SLC22A23: variants seen among roughly 807,000 people sequenced by gnomAD.
The protein encoded by SLC22A23 is solute carrier family 22 member 23.
In SLC22A23, 26 loss-of-function variants were observed where a neutral mutation model predicts 61.0. The ratio of observed to expected loss-of-function variants is 0.43; its 90% CI spans 0.31 to 0.59. SLC22A23 has a LOEUF of 0.59. Ranked by LOEUF, SLC22A23 falls within the 20% of genes least tolerant of loss-of-function variation. The pLI is 0.11. For missense variants in SLC22A23, 796 were observed against 934.7 expected, an observed-to-expected ratio of 0.85 and a Z score of 1.94; for synonymous variants, 430 against 413.9, an observed-to-expected ratio of 1.04 and a Z score of -0.47.
Position 3,415,308 on chromosome 6 carries a change from G to A in SLC22A23, c.758+444C>T, listed in dbSNP as rs190348081. Among the ~76,000 whole-genome samples the A allele has an allele frequency of 9.2e-5, 14 of 152,222 alleles. No homozygotes were observed. The East Asian group carries it at 2.1e-3, about 23-fold the overall frequency. ...AGGACTGCCCCTCTCCAAAATCCAC[G>A]TGACATGTAGAGGAGCTAATCAGCA... is the stretch of plus-strand genomic sequence containing the variant. On this transcript the variant is annotated intron_variant, in intron 2 of 9. Transcript: ENST00000406686.
intron 1 of SLC22A23, among the ~76,000 whole-genome samples, chr6:3,452,971 A>G (rs1277820119): frequency 1.3e-5 from 2 of 152,198 alleles, no homozygotes; most frequent in African/African-American, 2.4e-5. Context: ...GTTGGTGATC[A>G]TGGTCTGGAA....
chr6:3,431,547 C>T (rs893369392), intron 1 of SLC22A23, among the ~76,000 whole-genome samples: 1 of 152,182 alleles, frequency 6.6e-6, no homozygotes, highest in Non-Finnish European at 1.5e-5. Flanking sequence ...AGAGTAGGGT[C>T]AATCCTATCA....
intron 5 of SLC22A23, 118 bp from the exon 6 acceptor site, chr6:3,289,984 T>G: frequency 3.7e-6 from 1 of 271,908 alleles, no homozygotes; most frequent in Non-Finnish European, 5.8e-6. Context: ...AGAGAAGCTT[T>G]TTTTTTTTTT....
chr6:3,370,774 T>C (rs1484136922), intron 3 of SLC22A23, among the ~76,000 whole-genome samples: 2 of 152,216 alleles, frequency 1.3e-5, no homozygotes, highest in African/African-American at 2.4e-5. Context: ...TTAAAACCAA[T>C]AGGACTTTCA....
chr6:3,356,113 A>AAGGGGGAGGT, intron 3 of SLC22A23, among the ~76,000 whole-genome samples: 1 of 6,000 alleles, frequency 1.7e-4, no homozygotes, highest in African/African-American at 8.0e-4. Flanking sequence ...GGGTGGGTGG[A>AAGGGGGAGGT]GGCGGGAGGG....
At chr6:3,284,074 C>T (rs1759739375) in intron 8 of SLC22A23, 99 bp from the exon 9 acceptor site, 1 of 1,286,378 alleles carries the variant, frequency 7.8e-7, no homozygotes, top group Non-Finnish European at 1.1e-6. Flanking sequence ...TTCCCAGTGT[C>T]CAGCTTGCGG....
chr6:3,271,617 G>A lies in SLC22A23; in HGVS notation c.*1438C>T, dbSNP rs1404691317. On this transcript the variant is annotated 3_prime_UTR_variant, in exon 10 of 10. Coordinates refer to ENST00000406686, the MANE Select transcript of SLC22A23 (RefSeq NM_015482.2). The stretch of plus-strand genomic sequence containing the variant: ...AAAGACATGCTTCGAGAAGGGATGA[G>A]TTGGACAATGCCAGTAAGAAGCCAG... 6.6e-6 allele frequency: 1 copy of A among 152,386 alleles called. No homozygotes were observed. Among genetic ancestry groups the A allele is most frequent in the Non-Finnish European group, 1.5e-5 (1 of 68,060 alleles). The allele number at this position is 152,386 out of a possible 1,614,324, so 9.4% of individuals were successfully genotyped here.
chr6:3,369,696 A>AAG (rs1238329313), intron 3 of SLC22A23, among the ~76,000 whole-genome samples: 1 of 151,966 alleles, frequency 6.6e-6, no homozygotes, highest in Admixed American at 6.6e-5. Flanking sequence ...ATCTCAAAAA[A>AAG]AAAAAAAGTA....
chr6:3,282,490 A>G (rs186718210), intron 9 of SLC22A23, among the ~76,000 whole-genome samples: 1 of 152,258 alleles, frequency 6.6e-6, no homozygotes, highest in Admixed American at 6.5e-5. Flanking sequence ...GCTACTGGAA[A>G]TGTGGAAAGT....
Position 3,286,337 on chromosome 6 carries a change from T to C in SLC22A23, c.1546+522A>G, listed in dbSNP as rs1430536571. Among the ~76,000 whole-genome samples, 1 of 152,146 alleles carries C rather than the reference T, an allele frequency of 6.6e-6. No homozygotes were observed. ...AGGCTGGTTTGAACTCCTGACCTCATGATCCGACCGCCTCAGCCTCCCAAA... is the reference window on the plus strand; with the variant it reads ...AGGCTGGTTTGAACTCCTGACCTCACGATCCGACCGCCTCAGCCTCCCAAA... On this transcript the variant is annotated intron_variant, in intron 7 of 9. Coordinates refer to ENST00000406686, the MANE Select transcript of SLC22A23 (RefSeq NM_015482.2). The surrounding 1 kb of genome is among the most constrained non-coding windows in gnomAD (Gnocchi z 4.2).
rs1234171560 is a variant in SLC22A23, at chr6:3,289,796, C to T, written c.1281G>A (p.Leu427=). Residue 427 remains leucine (L), a synonymous_variant, in exon 6 of 10, where the codon CTG becomes CTA. Transcript: ENST00000406686. ...CIVKVVGTRN[L]WKNIVVLCVN... The stretch of plus-strand genomic sequence containing the variant: ...CACACAGGACCACAATGTTCTTCCA[C>T]AGGTTCCGTGTCCCCACCACCTTCA... The T allele has an allele frequency of 6.2e-7, 1 of 1,614,028 alleles. No individual in the cohort carries two copies. The highest frequency in any genetic ancestry group is 2.2e-5 in the East Asian group (1 of 44,878).
intron 4 of SLC22A23, among the ~76,000 whole-genome samples, chr6:3,315,870 A>AAAAG (rs1561892393): frequency 6.2e-5 from 6 of 97,328 alleles, no homozygotes; most frequent in East Asian, 5.2e-4. Flanking sequence ...TCTCAAAAAA[A>AAAAG]AAAAGAAAAG....
intron 3 of SLC22A23, among the ~76,000 whole-genome samples, chr6:3,344,550 G>T (rs7745542): frequency 0.15 from 22,082 of 152,202 alleles, 4,567 homozygotes; most frequent in African/African-American, 0.47. Flanking sequence ...AACAGCCTGG[G>T]TTCTAAATTT....
rs183912193 is a variant in SLC22A23 at position 3,309,279 on chromosome 6, G to A, written c.1083-11061C>T. Among the ~76,000 whole-genome samples the A allele has an allele frequency of 1.4e-4, 22 of 152,346 alleles. No individual in the cohort carries two copies. The highest frequency in any genetic ancestry group is 2.9e-4 in the Non-Finnish European group (20 of 68,034). ...CCGCTGCACTCTAGCCTGGGCAACA[G>A]AGTGAGACCCTGTCTCAAAATGAAA... On this transcript the variant is annotated intron_variant, in intron 4 of 9. Transcript: ENST00000406686. This position sits in a 1 kb window ranked among gnomAD's most constrained non-coding sequence, Gnocchi z 4.7.
chr6:3,338,291 C>T (rs1235581877), intron 3 of SLC22A23, among the ~76,000 whole-genome samples: 2 of 152,240 alleles, frequency 1.3e-5, no homozygotes, highest in African/African-American at 2.4e-5. Context: ...AAAATATTGA[C>T]ATCAAGTGCA....
intron 3 of SLC22A23, among the ~76,000 whole-genome samples, chr6:3,393,852 C>G (rs749718974): frequency 1.6e-4 from 25 of 152,234 alleles, no homozygotes; most frequent in African/African-American, 4.6e-4. Context: ...AGGATAGGAA[C>G]GAGGCAACGG....
chr6:3,299,998 CTTTTTTTTTTTTTTTTT>C (rs869114176), intron 4 of SLC22A23, among the ~76,000 whole-genome samples: 1 of 78,802 alleles, frequency 1.3e-5, no homozygotes, highest in Admixed American at 1.9e-4. Context: ...TCAGGATAGA[CTTTTTTTTTTTTTTTTT>C]TTTTTTTTTT....
chr6:3,284,103 T>C (rs1561864278), intron 8 of SLC22A23, 128 bp from the exon 9 acceptor site: 14 of 934,484 alleles, frequency 1.5e-5, no homozygotes, highest in Non-Finnish European at 2.2e-5. Context: ...GGTATGCAAT[T>C]CCCTCTGGGG....
Position 3,308,199 on chromosome 6 carries a change from C to T in SLC22A23, c.1083-9981G>A, listed in dbSNP as rs1446383599. Among the ~76,000 whole-genome samples the T allele has an allele frequency of 1.3e-5, 2 of 152,092 alleles. No individual in the cohort carries two copies. The highest frequency in any genetic ancestry group is 4.8e-5 in the African/African-American group (2 of 41,380). On this transcript the variant is annotated intron_variant, in intron 4 of 9. Transcript: ENST00000406686. The surrounding 1 kb of genome is among the most constrained non-coding windows in gnomAD (Gnocchi z 5.1). ...AAAATTTTATGTTACGTGTATTTTA[C>T]CACAATTAAAAGAAAATATTACAGA... is the stretch of plus-strand genomic sequence containing the variant.
Sources: gnomAD v4.1 joint callset for allele counts (sites outside exome capture counted in the v4.1 genomes callset) on GRCh38, gnomAD v4.1.1 for gene constraint, Gnocchi (gnomAD v3.1) non-coding constraint, MANE v1.5 for transcripts, NCBI Gene and HGNC (gene_info 2026-07-23, HGNC 2026-07-21) for gene names.